CCDC57: variants seen among roughly 807,000 people sequenced by gnomAD.
CCDC57 encodes the protein coiled-coil domain containing 57.
CCDC57 carries 118 observed loss-of-function variants against 118.9 expected under a neutral mutation model. That is an observed-to-expected ratio of 0.99 (90% CI 0.86 to 1.16). CCDC57 has a LOEUF of 1.16. Ranked by LOEUF, CCDC57 falls within the 50% of genes most tolerant of loss-of-function variation. CCDC57 has a pLI of 0.00. For missense variants in CCDC57, 1,300 were observed against 1,320.7 expected (o/e 0.98, Z 0.24); for synonymous variants, 527 against 532.9 (o/e 0.99, Z 0.15).
intron 14 of CCDC57, among the ~76,000 whole-genome samples, chr17:82,161,392 C>T (rs533203090): frequency 7.1e-4 from 108 of 152,162 alleles, no homozygotes; most frequent in Non-Finnish European, 1.2e-3. Flanking sequence ...AGAGCAATTC[C>T]GCTCCCAGGT....
At chr17:82,132,975 G>C (rs970302288) in intron 17 of CCDC57, among the ~76,000 whole-genome samples, 1 of 152,000 alleles carries the variant, frequency 6.6e-6, no homozygotes, top group African/African-American at 2.4e-5. Flanking sequence ...GGTCAGGCTG[G>C]TCTCAAACTT....
At chr17:82,188,093 G>A in intron 8 of CCDC57, 126 bp downstream of exon 7, 1 of 662,772 alleles carries the variant, frequency 1.5e-6, no homozygotes, top group East Asian at 3.2e-5. Flanking sequence ...GTGACTGAGA[G>A]CTACAGAAGC....
intron 2 of CCDC57, among the ~76,000 whole-genome samples, chr17:82,205,864 T>C (rs1451868789): frequency 1.3e-5 from 2 of 152,222 alleles, no homozygotes; most frequent in Admixed American, 1.3e-4. Flanking sequence ...CAAGGGCCTG[T>C]AAGTCAGCCG....
Position 82,192,097 on chromosome 17 carries a change from T to A in CCDC57, c.851+1659A>T, listed in dbSNP as rs1167725815. On this transcript the variant is annotated intron_variant, in intron 7 of 19. Transcript: ENST00000665763. The surrounding 1 kb of genome is among the most constrained non-coding windows in gnomAD (Gnocchi z 4.0). ...ACCTCCCAAGTTCAAGTGATTCCCC[T>A]GCCTCAGCCTGCCAAGTAGCTGGGA... 1.3e-5 allele frequency among the ~76,000 whole-genome samples: 2 copies of A among 151,844 alleles called. No individual in the cohort carries two copies. The highest frequency in any genetic ancestry group is 2.9e-5 in the Non-Finnish European group (2 of 67,964).
chr17:82,169,180 G>A (rs984057989), intron 13 of CCDC57, among the ~76,000 whole-genome samples: 4 of 152,202 alleles, frequency 2.6e-5, no homozygotes, highest in African/African-American at 9.7e-5. Context: ...AGGCTGGAGT[G>A]TAGTGGTGCA....
chr17:82,184,047 A>G lies in CCDC57; in HGVS notation c.1053-115T>C, dbSNP rs1467829783. On this transcript the variant is annotated intron_variant, in intron 8 of 19. Transcript: ENST00000665763. Reference sequence around the variant, plus strand: ...CGCGCGCGCGCACACACACACACACACACACACACACACACACACACACAC... The same window carrying G: ...CGCGCGCGCGCACACACACACACACGCACACACACACACACACACACACAC... 233 of 549,008 alleles carry G rather than the reference A, an allele frequency of 4.2e-4. 4 individuals are homozygous for G. Among genetic ancestry groups the G allele is most frequent in the African/African-American group, 1.5e-3 (74 of 48,838 alleles). The allele number at this position is 549,008 out of a possible 1,614,324, so 34.0% of individuals were successfully genotyped here.
At chr17:82,201,310 A>G (rs1398481250) in intron 3 of CCDC57, among the ~76,000 whole-genome samples, 1 of 152,256 alleles carries the variant, frequency 6.6e-6, no homozygotes, top group East Asian at 1.9e-4. Flanking sequence ...GAACCCAGAA[A>G]AAGACAGTCA....
Position 82,179,016 on chromosome 17 carries a change from G to GCC in CCDC57, c.1374+9_1374+10dup. The GCC allele has an allele frequency of 6.2e-7, 1 of 1,612,028 alleles. No homozygotes were observed. The highest frequency in any genetic ancestry group is 8.5e-7 in the Non-Finnish European group (1 of 1,178,836). ...GCCGAGAAGGCCCCAGGCCCTGGTG[G>GCC]CCGCACACACCTGACTTTTTGCCAT... On this transcript the variant is annotated intron_variant, in intron 10 of 19. Transcript: ENST00000665763.
chr17:82,165,291 G>A (rs1057205488), intron 13 of CCDC57, among the ~76,000 whole-genome samples: 7 of 152,156 alleles, frequency 4.6e-5, no homozygotes, highest in Non-Finnish European at 1.0e-4. Flanking sequence ...CAGTCCACCC[G>A]CATTTTGCCT....
At position 82,130,494 on chromosome 17, in the gene CCDC57, C is replaced by T. The variant is rs558786868; in HGVS notation, c.2578-1897G>A. On this transcript the variant is annotated intron_variant, in intron 17 of 19. Coordinates refer to ENST00000665763, the Ensembl canonical transcript of CCDC57. The stretch of plus-strand genomic sequence containing the variant: ...ACAGGCGTGAGCCACCACACCCAGA[C>T]AAAACTTTTTTTTTTTTTTTTTTTT... 1.5e-4 allele frequency among the ~76,000 whole-genome samples: 17 copies of T among 111,632 alleles called. 1 individual carries two copies. In the East Asian group the frequency reaches 4.5e-3, roughly 29 times the overall value. 73.2% of individuals were successfully genotyped at this position (111,632 alleles called of 152,430 possible).
intron 9 of CCDC57, among the ~76,000 whole-genome samples, chr17:82,179,698 G>T (rs1288408307): frequency 6.6e-6 from 1 of 152,098 alleles, no homozygotes; most frequent in African/African-American, 2.4e-5. Context: ...GAACCCGGGG[G>T]CTTCCTCCAG....
chr17:82,133,443 A>C (rs1255368244), intron 17 of CCDC57, among the ~76,000 whole-genome samples: 3 of 150,304 alleles, frequency 2.0e-5, no homozygotes, highest in Non-Finnish European at 4.4e-5. Context: ...AAAAAAAAAA[A>C]AAAAAAAAAA....
chr17:82,101,649 C>A (rs773401132), exon 20 of CCDC57: 1 of 1,546,446 alleles, frequency 6.5e-7, no homozygotes, highest in East Asian at 2.3e-5. Flanking sequence ...AGGCCCCGAG[C>A]ACCCCTTAGT....
chr17:82,179,241 C>A, intron 9 of CCDC57, 52 bp from the exon 9 acceptor site: 2 of 1,567,324 alleles, frequency 1.3e-6, no homozygotes, highest in Non-Finnish European at 1.7e-6. Context: ...GTCCCTTCCA[C>A]AGGAAAAGCA....
chr17:82,207,339 A>T lies in CCDC57; in HGVS notation c.-9+508T>A, dbSNP rs1035641211. On this transcript the variant is annotated intron_variant, in intron 2 of 19. Coordinates refer to ENST00000665763, the Ensembl canonical transcript of CCDC57. ...CAGAGTGAGACCCTGTCTCAAAAAT[A>T]AAAAAAAAAAAACAAAAAAGAAATT... is the stretch of plus-strand genomic sequence containing the variant. Among the ~76,000 whole-genome samples the T allele has an allele frequency of 1.0e-4, 15 of 143,536 alleles. No homozygotes were observed. The South Asian group carries it at 1.5e-3, about 15-fold the overall frequency. 94.2% of individuals were successfully genotyped at this position (143,536 alleles called of 152,430 possible). A position where few individuals can be genotyped will look rare whatever the true frequency, so the allele number is the denominator to read the frequency against.
chr17:82,175,188 TCTC>T (rs1393473992), intron 11 of CCDC57, among the ~76,000 whole-genome samples: 21 of 152,122 alleles, frequency 1.4e-4, no homozygotes, highest in Non-Finnish European at 1.2e-4. Flanking sequence ...AAGAAAGAAT[TCTC>T]CTGGAGAAAC....
At chr17:82,147,248 AGATG>A (rs1322332954) in intron 16 of CCDC57, among the ~76,000 whole-genome samples, 1 of 127,970 alleles carries the variant, frequency 7.8e-6, no homozygotes, top group African/African-American at 2.9e-5. Context: ...ATGAATGGAT[AGATG>A]GATGAATGGA....
chr17:82,137,280 C>G (rs962133217), intron 16 of CCDC57, among the ~76,000 whole-genome samples: 3 of 152,188 alleles, frequency 2.0e-5, no homozygotes, highest in African/African-American at 7.2e-5. Flanking sequence ...CTCGGCCTCC[C>G]GAAGTGCTGG....
chr17:82,201,768 G>C lies in CCDC57; in HGVS notation c.177C>G (p.Tyr59Ter). 1.9e-6 allele frequency: 3 copies of C among 1,613,838 alleles called. No homozygotes were observed. Among genetic ancestry groups the C allele is most frequent in the Non-Finnish European group, 2.5e-6 (3 of 1,179,760 alleles). Residue 59 changes from tyrosine to a stop codon, truncating the protein, a stop_gained, in exon 3 of 20, where the codon TAC (tyrosine) becomes TAG (stop). Coordinates refer to ENST00000665763, the Ensembl canonical transcript of CCDC57. LOFTEE classifies it high-confidence loss of function. ...CCCGCTCCTCCAGCACCTGAAGGTTGTAGACAAAGTCCTCCTGCAGGCACC... is the reference window on the plus strand; with the variant it reads ...CCCGCTCCTCCAGCACCTGAAGGTTCTAGACAAAGTCCTCCTGCAGGCACC...
Sources: gnomAD v4.1 joint callset for allele counts (sites outside exome capture counted in the v4.1 genomes callset) on GRCh38, gnomAD v4.1.1 for gene constraint, Gnocchi (gnomAD v3.1) non-coding constraint, MANE v1.5 for transcripts, NCBI Gene and HGNC (gene_info 2026-07-23, HGNC 2026-07-21) for gene names.